Variants in CNOT2 observed in about 807,000 individuals in gnomAD.
The protein encoded by CNOT2 is CCR4-NOT transcription complex subunit 2.
In CNOT2, 7 loss-of-function variants were observed where a neutral mutation model predicts 72.1. The ratio of observed to expected loss-of-function variants is 0.10; its 90% CI spans 0.06 to 0.18. The LOEUF (loss-of-function observed/expected upper bound fraction) is 0.18. Among genes scored for constraint, CNOT2 ranks in the 10% least tolerant of loss-of-function variants. CNOT2 has a pLI of 1.00. For synonymous variants in CNOT2, 196 were observed against 225.6 expected, an observed-to-expected ratio of 0.87 and a Z score of 1.17; for missense variants, 345 against 660.3, an observed-to-expected ratio of 0.52 and a Z score of 5.23.
At chr12:70,329,249 G>A (rs541320369) in intron 4 of CNOT2, among the ~76,000 whole-genome samples, 174 bp from the exon 5 acceptor site, 10 of 151,844 alleles carry the variant, frequency 6.6e-5, no homozygotes, top group Non-Finnish European at 1.2e-4. Context: ...TTTCAGACTG[G>A]AACATATTTT....
intron 9 of CNOT2, chr12:70,338,144 AAGCATAAAGACCTG>A: frequency 4.0e-6 from 1 of 247,328 alleles, no homozygotes; most frequent in South Asian, 7.4e-5. Context: ...GTGTATCCCA[AAGCATAAAGACCTG>A]AGAAAGAGAT....
At position 70,292,645 on chromosome 12, in the gene CNOT2, A is replaced by G. The variant is rs1317376680; in HGVS notation, c.48+14371A>G. Reference sequence around the variant, plus strand: ...GCTAACAGGGGAGATTAGAGATAACAAAGAGTAAGGTCATGAAGGCCTTGG... The same window carrying G: ...GCTAACAGGGGAGATTAGAGATAACGAAGAGTAAGGTCATGAAGGCCTTGG... On this transcript the variant is annotated intron_variant, in intron 2 of 15. Transcript: ENST00000229195. Among the ~76,000 whole-genome samples the G allele has an allele frequency of 5.9e-5, 9 of 152,306 alleles. No homozygotes were observed. In the East Asian group the frequency reaches 1.7e-3, roughly 29 times the overall value.
At chr12:70,246,059 A>G (rs972802588) in intron 1 of CNOT2, among the ~76,000 whole-genome samples, 1 of 152,184 alleles carries the variant, frequency 6.6e-6, no homozygotes, top group Non-Finnish European at 1.5e-5. Flanking sequence ...TTTTCTAGTG[A>G]CAGACTTACT....
At chr12:70,304,524 G>T (rs1445991772) in intron 2 of CNOT2, among the ~76,000 whole-genome samples, 1 of 152,208 alleles carries the variant, frequency 6.6e-6, no homozygotes, top group Non-Finnish European at 1.5e-5. Context: ...GCAGATATTG[G>T]TGAACCACAA....
intron 1 of CNOT2, among the ~76,000 whole-genome samples, chr12:70,250,561 A>C (rs1435393376): frequency 6.6e-6 from 1 of 152,094 alleles, no homozygotes; most frequent in African/African-American, 2.4e-5. Context: ...AAATAAACAT[A>C]ATTTCAGGTA....
intron 2 of CNOT2, among the ~76,000 whole-genome samples, chr12:70,285,015 A>G (rs1870620244): frequency 6.6e-6 from 1 of 152,212 alleles, no homozygotes; most frequent in African/African-American, 2.4e-5. Flanking sequence ...CCTTTTGGCA[A>G]CGTATGACGT....
At chr12:70,259,949 T>C (rs1200137322) in intron 1 of CNOT2, among the ~76,000 whole-genome samples, 1 of 152,224 alleles carries the variant, frequency 6.6e-6, no homozygotes, top group Non-Finnish European at 1.5e-5. Flanking sequence ...TTTATCTTAG[T>C]ACCCTTCTCT....
chr12:70,335,498 A>G lies in CNOT2; in HGVS notation c.710A>G (p.Asn237Ser), dbSNP rs201309251. Residue 237 changes from asparagine (N) to serine (S), a missense_variant, in exon 8 of 16, where the codon AAC becomes AGC. Transcript: ENST00000229195. ...GATTTCCCAGCATTAGCAGACCGAA[A>G]CAGGAGGGAAGGAAGTGGTAACCCA... is the stretch of plus-strand genomic sequence containing the variant. ...LSDFPALADR[N>S]RREGSGNPTP... The G allele has an allele frequency of 4.4e-5, 71 of 1,607,488 alleles. No homozygotes were observed. In the African/African-American group the frequency reaches 8.3e-4, roughly 19 times the overall value.
intron 1 of CNOT2, among the ~76,000 whole-genome samples, chr12:70,246,632 TC>T (rs1344846154): frequency 6.6e-6 from 1 of 152,188 alleles, no homozygotes; most frequent in Non-Finnish European, 1.5e-5. Context: ...GTGACTTATA[TC>T]AGATATTTTG....
At chr12:70,256,801 G>C (rs910797226) in intron 1 of CNOT2, among the ~76,000 whole-genome samples, 1 of 151,922 alleles carries the variant, frequency 6.6e-6, no homozygotes, top group African/African-American at 2.4e-5. Context: ...TGGGGGATGT[G>C]AAAATGCAGG....
intron 2 of CNOT2, among the ~76,000 whole-genome samples, chr12:70,283,385 C>T (rs1269185868): frequency 6.6e-6 from 1 of 151,818 alleles, no homozygotes; most frequent in Non-Finnish European, 1.5e-5. Context: ...GCTTGAGCCC[C>T]AGAGTTTGAG....
intron 3 of CNOT2, among the ~76,000 whole-genome samples, chr12:70,315,744 T>G (rs530670489): frequency 3.3e-5 from 5 of 152,180 alleles, no homozygotes; most frequent in African/African-American, 4.8e-5. Context: ...ACCTGATTAT[T>G]ATGATGATTT....
At chr12:70,243,155 C>T (rs1399762815), upstream of CNOT2, 1 of 152,312 alleles carries the variant, frequency 6.6e-6, no homozygotes, top group Admixed American at 6.5e-5. Context: ...ACGGTAGCGG[C>T]CGCAGAAGCC....
chr12:70,345,939 T>C (rs1228058392), intron 14 of CNOT2: 4 of 346,904 alleles, frequency 1.2e-5, no homozygotes, highest in Non-Finnish European at 2.0e-5. Flanking sequence ...ATAAAAAGTT[T>C]CTTTAGTTAA....
chr12:70,332,128 G>C (rs1031426457), intron 6 of CNOT2, among the ~76,000 whole-genome samples: 1 of 151,732 alleles, frequency 6.6e-6, no homozygotes, highest in African/African-American at 2.4e-5. Context: ...ATTTAGATAA[G>C]AATGATGTAT....
intron 1 of CNOT2, among the ~76,000 whole-genome samples, chr12:70,272,993 A>G (rs1331847226): frequency 2.0e-5 from 3 of 152,028 alleles, no homozygotes; most frequent in East Asian, 1.9e-4. Context: ...TTCTCTTATT[A>G]ATGCCATCCA....
chr12:70,259,074 T>G (rs552351031), intron 1 of CNOT2, among the ~76,000 whole-genome samples: 1 of 152,330 alleles, frequency 6.6e-6, no homozygotes, highest in South Asian at 2.1e-4. Context: ...GCTGAATTTT[T>G]CCCATTTTAC....
At chr12:70,288,655 C>T (rs1871334633) in intron 2 of CNOT2, among the ~76,000 whole-genome samples, 3 of 152,124 alleles carry the variant, frequency 2.0e-5, no homozygotes, top group Non-Finnish European at 4.4e-5. Context: ...GCTGTATCCT[C>T]ACCTGAGAAT....
chr12:70,247,311 T>C (rs1173734686), intron 1 of CNOT2, among the ~76,000 whole-genome samples: 1 of 151,956 alleles, frequency 6.6e-6, no homozygotes, highest in Non-Finnish European at 1.5e-5. Flanking sequence ...ATTACAGGCA[T>C]GCACCCAGCT....
Sources: gnomAD v4.1 joint callset for allele counts (sites outside exome capture counted in the v4.1 genomes callset) on GRCh38, gnomAD v4.1.1 for gene constraint, MANE v1.5 for transcripts, NCBI Gene and HGNC (gene_info 2026-07-23, HGNC 2026-07-21) for gene names.